DLC1: variants seen among roughly 807,000 people sequenced by gnomAD.
The protein encoded by DLC1 is rho GTPase-activating protein 7.
In DLC1, 54 loss-of-function variants were observed where a neutral mutation model predicts 140.3. That is an observed-to-expected ratio of 0.38 (90% CI 0.31 to 0.48). The LOEUF is 0.48. DLC1 is among the 20% of genes least tolerant of loss of function. The pLI is 0.96. For missense variants in DLC1, 2,536 were observed against 1,907.0 expected (o/e 1.33, Z -6.14); for synonymous variants, 986 against 728.1 (o/e 1.35, Z -5.70).
At chr8:13,276,542 C>G (rs1249890051) in intron 5 of DLC1, 27 of 1,291,880 alleles carry the variant, frequency 2.1e-5, no homozygotes, top group Non-Finnish European at 2.4e-5. Context: ...CGGGAAGCGC[C>G]AACTGCAGGC....
At chr8:13,268,964 T>A (rs1410318563) in intron 5 of DLC1, among the ~76,000 whole-genome samples, 2 of 142,202 alleles carry the variant, frequency 1.4e-5, no homozygotes, top group Non-Finnish European at 3.0e-5. Context: ...AAGCTCCGCC[T>A]CCCGGGTTCA....
At chr8:13,451,593 T>C (rs189448255) in intron 2 of DLC1, among the ~76,000 whole-genome samples, 2 of 152,314 alleles carry the variant, frequency 1.3e-5, no homozygotes, top group Admixed American at 1.3e-4. Flanking sequence ...TTTTCAGATC[T>C]GACAAATAAG....
In DLC1 at chr8:13,152,824, GAAA is replaced by G. The variant is rs773483544; in HGVS notation, c.1349-37170_1349-37168del. On this transcript the variant is annotated intron_variant, in intron 5 of 17. Coordinates refer to ENST00000276297, the MANE Select transcript of DLC1 (RefSeq NM_182643.3). ...AGACTGAGACCCTGTCTCTGGGGAA[GAAA>G]AAAAAAAAAAAAGCAACCAACCATA... 1.3e-4 allele frequency among the ~76,000 whole-genome samples: 12 copies of G among 91,346 alleles called. 1 individual carries two copies. Among genetic ancestry groups the G allele is most frequent in the Non-Finnish European group, 1.6e-4 (8 of 50,852 alleles). The allele number at this position is 91,346 out of a possible 152,430, so 59.9% of individuals were successfully genotyped here.
At chr8:13,399,975 G>C (rs187868512) in intron 3 of DLC1, among the ~76,000 whole-genome samples, 190 of 152,096 alleles carry the variant, frequency 1.2e-3, no homozygotes, top group African/African-American at 4.2e-3. Flanking sequence ...AGTGCTCCTT[G>C]GTAGATGGTC....
intron 1 of DLC1, among the ~76,000 whole-genome samples, chr8:13,599,300 T>G (rs565873181): frequency 6.6e-6 from 1 of 151,902 alleles, no homozygotes; most frequent in Admixed American, 6.6e-5. Flanking sequence ...ATAATGAACA[T>G]TTGGATAAAA....
chr8:13,566,777 A>T, intron 1 of DLC1: 1 of 590,734 alleles, frequency 1.7e-6, no homozygotes, highest in Non-Finnish European at 2.8e-6. Flanking sequence ...GGCGCTGGGG[A>T]GCGCGGAGGA....
intron 2 of DLC1, among the ~76,000 whole-genome samples, chr8:13,406,944 T>C (rs1195567921): frequency 6.6e-6 from 1 of 152,228 alleles, no homozygotes; most frequent in African/African-American, 2.4e-5. Context: ...TTTCCCATTA[T>C]GTGTCTGTGT....
intron 2 of DLC1, among the ~76,000 whole-genome samples, chr8:13,475,567 A>G (rs995452485): frequency 6.6e-6 from 1 of 152,246 alleles, no homozygotes; most frequent in Non-Finnish European, 1.5e-5. Flanking sequence ...ACCATAGAAA[A>G]TATAGATTAT....
At chr8:13,375,323 G>A (rs55844624) in intron 4 of DLC1, among the ~76,000 whole-genome samples, 20,624 of 152,094 alleles carry the variant, frequency 0.14, 1,556 homozygotes, top group Non-Finnish European at 0.17. Context: ...CACCGCGCCC[G>A]GCCAAGAATG....
chr8:13,481,388 G>C (rs1469817916), intron 2 of DLC1, among the ~76,000 whole-genome samples: 1 of 152,176 alleles, frequency 6.6e-6, no homozygotes, highest in Non-Finnish European at 1.5e-5. Flanking sequence ...GATTGTGCCA[G>C]TCACTGCAGC....
intron 5 of DLC1, among the ~76,000 whole-genome samples, chr8:13,229,272 T>C (rs1246486148): frequency 6.6e-6 from 1 of 152,176 alleles, no homozygotes; most frequent in East Asian, 1.9e-4. Context: ...AATACAATAT[T>C]GATCCACGCT....
At chr8:13,504,417 G>T (rs779308923) in intron 1 of DLC1, among the ~76,000 whole-genome samples, 1 of 152,162 alleles carries the variant, frequency 6.6e-6, no homozygotes, top group Non-Finnish European at 1.5e-5. Flanking sequence ...GAGCCACCGC[G>T]CCCGGCCTTC....
intron 5 of DLC1, among the ~76,000 whole-genome samples, chr8:13,227,274 C>A (rs1387913973): frequency 1.3e-5 from 2 of 152,218 alleles, no homozygotes; most frequent in Admixed American, 1.3e-4. Context: ...GTATCGCCAT[C>A]TCATTATTGC....
At chr8:13,376,261 T>C (rs1031902739) in intron 4 of DLC1, among the ~76,000 whole-genome samples, 8 of 152,190 alleles carry the variant, frequency 5.3e-5, no homozygotes, top group African/African-American at 1.9e-4. Flanking sequence ...ATGCAGTTAT[T>C]TACTTGCTTT....
intron 5 of DLC1, among the ~76,000 whole-genome samples, chr8:13,174,795 C>G (rs1432540748): frequency 3.9e-5 from 6 of 152,090 alleles, no homozygotes; most frequent in Non-Finnish European, 7.4e-5. Flanking sequence ...GGAATATTTT[C>G]TCCCATTCTG....
At chr8:13,283,006 T>C (rs1372028936) in intron 5 of DLC1, among the ~76,000 whole-genome samples, 1 of 152,106 alleles carries the variant, frequency 6.6e-6, no homozygotes, top group East Asian at 1.9e-4. Context: ...ATCAACCATC[T>C]CAAAAAACAT....
At chr8:13,128,517 G>T (rs1430494880) in intron 5 of DLC1, among the ~76,000 whole-genome samples, 3 of 152,218 alleles carry the variant, frequency 2.0e-5, no homozygotes, top group African/African-American at 7.2e-5. Context: ...AAGTCTCGTT[G>T]CTGCCTGGGA....
At chr8:13,166,321 G>T (rs1187146949) in intron 5 of DLC1, among the ~76,000 whole-genome samples, 1 of 152,072 alleles carries the variant, frequency 6.6e-6, no homozygotes, top group Non-Finnish European at 1.5e-5. Context: ...CTTCGTGTTT[G>T]ATTTATTTTT....
chr8:13,588,193 T>A lies in DLC1; in HGVS notation c.-126+16344A>T, dbSNP rs145157085. Among the ~76,000 whole-genome samples the A allele has an allele frequency of 2.0e-5, 3 of 151,740 alleles. No homozygotes were observed. The South Asian group carries it at 6.2e-4, about 32-fold the overall frequency. On this transcript the variant is annotated intron_variant, in intron 1 of 1. Transcript: ENST00000631382. ...ATTACATAATGGCAGAGAAAACAGA[T>A]GAACAATGGAAAAAGAATGGGGTTA...
Sources: allele counts gnomAD v4.1 joint callset (sites outside exome capture counted in the v4.1 genomes callset), GRCh38; gene constraint gnomAD v4.1.1; transcripts MANE v1.5; gene names NCBI Gene and HGNC (gene_info 2026-07-23, HGNC 2026-07-21).